BICC1: variants seen among roughly 807,000 people sequenced by gnomAD.
The protein encoded by BICC1 is BicC family RNA binding protein 1.
A neutral mutation model predicts 111.0 loss-of-function variants in BICC1; 43 were observed. That is an observed-to-expected ratio of 0.39 (90% CI 0.30 to 0.50). The LOEUF (loss-of-function observed/expected upper bound fraction) is 0.50, where lower values mean the gene tolerates loss of function less well. Ranked by LOEUF, BICC1 falls within the 20% of genes least tolerant of loss-of-function variation. The pLI, the probability that BICC1 is intolerant of heterozygous loss-of-function variation, is 0.88. For missense variants in BICC1, 1,091 were observed against 1,203.2 expected, an observed-to-expected ratio of 0.91 and a Z score of 1.38; for synonymous variants, 467 against 434.4, an observed-to-expected ratio of 1.07 and a Z score of -0.93.
chr10:58,605,287 A>C (rs918417238), intron 1 of BICC1, among the ~76,000 whole-genome samples: 1 of 152,080 alleles, frequency 6.6e-6, no homozygotes, highest in Non-Finnish European at 1.5e-5. Context: ...CCCACAAAAC[A>C]TACTCTGTTC....
At chr10:58,712,171 AT>A (rs1840597304) in intron 3 of BICC1, among the ~76,000 whole-genome samples, 1 of 152,172 alleles carries the variant, frequency 6.6e-6, no homozygotes, top group African/African-American at 2.4e-5. Flanking sequence ...ACCTGTTAGA[AT>A]GGTTGAAATC....
chr10:58,648,110 A>G (rs1025114750), intron 2 of BICC1, among the ~76,000 whole-genome samples: 1 of 148,154 alleles, frequency 6.7e-6, no homozygotes, highest in Non-Finnish European at 1.5e-5. Flanking sequence ...AACTGCATTT[A>G]AAAAAAAATG....
intron 3 of BICC1, among the ~76,000 whole-genome samples, chr10:58,720,774 A>G (rs927235789): frequency 2.0e-5 from 3 of 152,238 alleles, no homozygotes; most frequent in Non-Finnish European, 4.4e-5. Context: ...GATAATTAGT[A>G]GGAAGGGGTT....
chr10:58,513,463 C>T (rs1470727798), intron 1 of BICC1, 130 bp downstream of exon 1: 4 of 888,702 alleles, frequency 4.5e-6, no homozygotes, highest in East Asian at 6.4e-5. Flanking sequence ...CCCGCTCCCC[C>T]GCGGAGCCGG....
At chr10:58,753,788 C>T (rs1408635908) in intron 3 of BICC1, among the ~76,000 whole-genome samples, 2 of 152,000 alleles carry the variant, frequency 1.3e-5, no homozygotes, top group African/African-American at 4.8e-5. Flanking sequence ...TTCTCTTACA[C>T]TTTGTAATAT....
At chr10:58,587,305 G>A (rs1230280242) in intron 1 of BICC1, among the ~76,000 whole-genome samples, 1 of 151,928 alleles carries the variant, frequency 6.6e-6, no homozygotes, top group East Asian at 1.9e-4. Flanking sequence ...ATAGTTTCTT[G>A]TCCTATTAAG....
At chr10:58,674,497 C>A (rs981817137) in intron 2 of BICC1, among the ~76,000 whole-genome samples, 1 of 152,180 alleles carries the variant, frequency 6.6e-6, no homozygotes, top group East Asian at 1.9e-4. Flanking sequence ...TGCACTTCTG[C>A]CCATTCATTC....
At chr10:58,753,365 G>A (rs529255354) in intron 3 of BICC1, among the ~76,000 whole-genome samples, 7 of 152,106 alleles carry the variant, frequency 4.6e-5, no homozygotes, top group African/African-American at 2.4e-5. Flanking sequence ...ACAGAGTCTC[G>A]CTATGTTGTC....
chr10:58,554,969 T>C (rs2114564), intron 1 of BICC1, among the ~76,000 whole-genome samples: 75,174 of 151,534 alleles, frequency 0.5, 19,015 homozygotes, highest in Admixed American at 0.64. Flanking sequence ...CAAGAACATA[T>C]TAAATGTATA....
At chr10:58,802,356 A>G (rs1843573684) in intron 14 of BICC1, among the ~76,000 whole-genome samples, 1 of 152,246 alleles carries the variant, frequency 6.6e-6, no homozygotes, top group East Asian at 1.9e-4. Context: ...GCAGCTGAGT[A>G]GTTGAACAAA....
At chr10:58,646,048 A>G (rs1231509705) in intron 2 of BICC1, among the ~76,000 whole-genome samples, 1 of 151,990 alleles carries the variant, frequency 6.6e-6, no homozygotes, top group Non-Finnish European at 1.5e-5. Flanking sequence ...CTGGAATAGC[A>G]ATTAGATTTG....
chr10:58,596,615 T>A (rs1844822754), intron 1 of BICC1, among the ~76,000 whole-genome samples: 1 of 152,146 alleles, frequency 6.6e-6, no homozygotes, highest in Admixed American at 6.5e-5. Context: ...GGAAGTCAAA[T>A]TGTCTCTGTT....
At chr10:58,819,493 A>C (rs982871181) in intron 19 of BICC1, among the ~76,000 whole-genome samples, 2 of 152,168 alleles carry the variant, frequency 1.3e-5, no homozygotes, top group East Asian at 3.9e-4. Flanking sequence ...ATCCCCCATA[A>C]GTAACTTCAT....
In BICC1 at chr10:58,523,186, C is replaced by G. The variant is rs1177655774; in HGVS notation, c.190+9853C>G. Among the ~76,000 whole-genome samples the G allele has an allele frequency of 2.6e-5, 4 of 152,156 alleles. No individual in the cohort carries two copies. The East Asian group carries it at 7.7e-4, about 29-fold the overall frequency. Reference sequence around the variant, plus strand: ...TCCAATCAATAGAAAAAGAGGGAATCCTCCCTAACTCATTTTATGAGGCCA... The same window carrying G: ...TCCAATCAATAGAAAAAGAGGGAATGCTCCCTAACTCATTTTATGAGGCCA... On this transcript the variant is annotated intron_variant, in intron 1 of 20. Transcript: ENST00000373886.
At position 58,513,019 on chromosome 10, in the gene BICC1, GGCGGCTGCAGGGGGACGAGCTAGCGCC is replaced by G. The variant is rs1293584935; in HGVS notation, c.-119_-93del. 2 of 648,036 alleles carry G rather than the reference GGCGGCTGCAGGGGGACGAGCTAGCGCC, an allele frequency of 3.1e-6. No individual in the cohort carries two copies. Among genetic ancestry groups the G allele is most frequent in the South Asian group, 7.2e-5 (1 of 13,962 alleles). 40.1% of individuals were successfully genotyped at this position (648,036 alleles called of 1,614,324 possible). A position where few individuals can be genotyped will look rare whatever the true frequency, so the allele number is the denominator to read the frequency against. On this transcript the variant is annotated 5_prime_UTR_variant, in exon 1 of 21. The change abolishes the stop of an existing upstream ORF in the 5' untranslated region. Transcript: ENST00000373886. ...CGGCGGCGGCGTTGGCGGTGGCGTCGGCGGCTGCAGGGGGACGAGCTAGCGCCGCGGCGCTGGGAGCCAGTTGAGCCC... is the reference window on the plus strand; with the variant it reads ...CGGCGGCGGCGTTGGCGGTGGCGTCGGCGGCGCTGGGAGCCAGTTGAGCCC...
At chr10:58,587,060 T>C (rs905468598) in intron 1 of BICC1, among the ~76,000 whole-genome samples, 11 of 152,168 alleles carry the variant, frequency 7.2e-5, no homozygotes, top group Non-Finnish European at 4.4e-5. Flanking sequence ...CTCATGAATA[T>C]TGAGTGCCAC....
intron 2 of BICC1, among the ~76,000 whole-genome samples, chr10:58,666,373 C>T (rs759466988): frequency 2.0e-5 from 3 of 152,284 alleles, no homozygotes; most frequent in Non-Finnish European, 4.4e-5. Flanking sequence ...TTTTGTCTCA[C>T]TGTTAAGCTA....
chr10:58,612,776 A>G (rs1220539354), intron 1 of BICC1, among the ~76,000 whole-genome samples: 1 of 152,242 alleles, frequency 6.6e-6, no homozygotes, highest in Non-Finnish European at 1.5e-5. Flanking sequence ...TGTTATAAAT[A>G]TGAAGAACAT....
intron 1 of BICC1, among the ~76,000 whole-genome samples, chr10:58,612,682 G>C (rs1437429773): frequency 6.6e-6 from 1 of 151,410 alleles, no homozygotes; most frequent in Non-Finnish European, 1.5e-5. Flanking sequence ...TTTATAATTT[G>C]AACTTGGTAT....
Sources: allele counts gnomAD v4.1 joint callset (sites outside exome capture counted in the v4.1 genomes callset), GRCh38; gene constraint gnomAD v4.1.1; transcripts MANE v1.5; gene names NCBI Gene and HGNC (gene_info 2026-07-23, HGNC 2026-07-21).